Variants in CYRIB observed in about 807,000 individuals in gnomAD.
CYRIB encodes CYFIP related Rac1 interactor B, also known as CYFIP-related Rac1 interactor B.
Under a neutral mutation model 44.2 loss-of-function variants are expected in CYRIB, and 8 were observed. The observed-to-expected ratio is 0.18, with a 90% CI of 0.11 to 0.33. The LOEUF is 0.33. Among genes scored for constraint, CYRIB ranks in the 10% least tolerant of loss-of-function variants. The pLI is 1.00. For synonymous variants in CYRIB, 131 were observed against 127.2 expected (o/e 1.03, Z -0.20); for missense variants, 185 against 382.8 (o/e 0.48, Z 4.31).
At chr8:130,011,269 C>T (rs542522197) in intron 1 of CYRIB, among the ~76,000 whole-genome samples, 12 of 152,234 alleles carry the variant, frequency 7.9e-5, no homozygotes, top group African/African-American at 1.2e-4. Context: ...GCCTGTAATC[C>T]CAGCACATTG....
intron 10 of CYRIB, among the ~76,000 whole-genome samples, chr8:129,848,253 A>T (rs2041362455): frequency 6.6e-6 from 1 of 152,202 alleles, no homozygotes; most frequent in Non-Finnish European, 1.5e-5. Flanking sequence ...ATATTAACTC[A>T]TTTCTCTTTA....
chr8:129,967,102 A>G (rs1209227372), intron 2 of CYRIB, among the ~76,000 whole-genome samples: 1 of 152,136 alleles, frequency 6.6e-6, no homozygotes, highest in Admixed American at 6.5e-5. Flanking sequence ...GCGAGGCCCT[A>G]CCTCAAAAAT....
At chr8:129,859,552 C>T (rs754993813) in intron 5 of CYRIB, among the ~76,000 whole-genome samples, 4 of 152,130 alleles carry the variant, frequency 2.6e-5, no homozygotes, top group Non-Finnish European at 4.4e-5. Flanking sequence ...GACCACAGTC[C>T]GCTTGGCAAC....
intron 1 of CYRIB, among the ~76,000 whole-genome samples, chr8:129,903,854 C>T (rs902442705): frequency 2.0e-5 from 3 of 152,176 alleles, no homozygotes; most frequent in Admixed American, 6.5e-5. Flanking sequence ...GCCAGGGACA[C>T]ATTTGGCAAA....
intron 1 of CYRIB, among the ~76,000 whole-genome samples, chr8:129,908,073 T>C (rs1382933828): frequency 6.6e-6 from 1 of 152,172 alleles, no homozygotes; most frequent in African/African-American, 2.4e-5. Flanking sequence ...TCTCAAACTA[T>C]ACATTACACA....
intron 1 of CYRIB, among the ~76,000 whole-genome samples, chr8:129,937,906 A>T (rs1457034498): frequency 1.3e-5 from 2 of 150,870 alleles, no homozygotes; most frequent in Non-Finnish European, 3.0e-5. Flanking sequence ...TCTCTCTCTC[A>T]TGAGTTAGGA....
At chr8:129,863,447 C>T (rs540466135) in intron 4 of CYRIB, among the ~76,000 whole-genome samples, 10 of 151,948 alleles carry the variant, frequency 6.6e-5, no homozygotes, top group African/African-American at 2.4e-4. Flanking sequence ...ATTGCTTGAA[C>T]CCGGGAAGTG....
intron 2 of CYRIB, among the ~76,000 whole-genome samples, chr8:129,891,424 C>T (rs2065358054): frequency 6.6e-6 from 1 of 152,144 alleles, no homozygotes; most frequent in Non-Finnish European, 1.5e-5. Context: ...CTATCAAGTA[C>T]TAGTTTAGCT....
chr8:129,887,232 C>G (rs999139109), intron 2 of CYRIB, among the ~76,000 whole-genome samples: 1 of 152,132 alleles, frequency 6.6e-6, no homozygotes, highest in Admixed American at 6.5e-5. Context: ...GCTCCAGCCA[C>G]GGCTAAAACA....
At chr8:130,013,658 G>A (rs1281132759) in intron 1 of CYRIB, among the ~76,000 whole-genome samples, 2 of 152,140 alleles carry the variant, frequency 1.3e-5, no homozygotes, top group Non-Finnish European at 2.9e-5. Context: ...GCTGAGCACG[G>A]GTGAGGCCAC....
exon 12 of CYRIB, chr8:129,841,949 CAG>C: frequency 1.8e-6 from 1 of 560,288 alleles, no homozygotes; most frequent in Non-Finnish European, 3.2e-6. Context: ...GATATCCCTT[CAG>C]AGTGTAACTT....
intron 1 of CYRIB, among the ~76,000 whole-genome samples, chr8:129,999,759 T>G (rs979498904): frequency 6.6e-6 from 1 of 152,192 alleles, no homozygotes; most frequent in Non-Finnish European, 1.5e-5. Flanking sequence ...CCCGAATAGC[T>G]GGGACTACTG....
chr8:130,000,215 G>C (rs1351061594), intron 1 of CYRIB, among the ~76,000 whole-genome samples: 5 of 152,198 alleles, frequency 3.3e-5, no homozygotes, highest in African/African-American at 1.2e-4. Context: ...GTGAGGACAA[G>C]AGAAAGGTGG....
chr8:129,901,127 G>C (rs1187521672), intron 2 of CYRIB, among the ~76,000 whole-genome samples: 1 of 152,140 alleles, frequency 6.6e-6, no homozygotes, highest in African/African-American at 2.4e-5. Flanking sequence ...CTAATTTTTT[G>C]TATTTCTAGT....
At chr8:129,939,850 A>C (rs1248138136), upstream of CYRIB, 1 of 152,220 alleles carries the variant, frequency 6.6e-6, no homozygotes, top group South Asian at 2.1e-4. Flanking sequence ...GGGAGGAGGG[A>C]ATGCCAGGAA....
At chr8:129,984,378 G>A (rs1478336679) in intron 1 of CYRIB, among the ~76,000 whole-genome samples, 8 of 152,134 alleles carry the variant, frequency 5.3e-5, no homozygotes, top group Admixed American at 4.6e-4. Flanking sequence ...ATCCAAGTGC[G>A]GGAGGCCTAA....
At chr8:129,878,247 G>T (rs2133825442) in intron 3 of CYRIB, among the ~76,000 whole-genome samples, 1 of 152,068 alleles carries the variant, frequency 6.6e-6, no homozygotes, top group African/African-American at 2.4e-5. Flanking sequence ...TTATAGAAAT[G>T]GAATAAAAGT....
At chr8:129,892,558 T>C (rs1486415758) in intron 2 of CYRIB, among the ~76,000 whole-genome samples, 2 of 151,972 alleles carry the variant, frequency 1.3e-5, no homozygotes, top group African/African-American at 4.8e-5. Context: ...TATATGCCAA[T>C]AGTTTCAATG....
intron 3 of CYRIB, among the ~76,000 whole-genome samples, chr8:129,878,621 T>C (rs1400174736): frequency 6.7e-6 from 1 of 149,900 alleles, no homozygotes; most frequent in Non-Finnish European, 1.5e-5. Flanking sequence ...AATTTAATAA[T>C]TCTTCTCAAT....
Sources: gnomAD v4.1 joint callset for allele counts (sites outside exome capture counted in the v4.1 genomes callset) on GRCh38, gnomAD v4.1.1 for gene constraint, MANE v1.5 for transcripts, NCBI Gene and HGNC (gene_info 2026-07-23, HGNC 2026-07-21) for gene names.